The following MAML3 variants were observed in gnomAD, a reference collection of about 807,000 sequenced individuals.
The protein encoded by MAML3 is mastermind like transcriptional coactivator 3, also known as mastermind-like protein 3.
A neutral mutation model predicts 101.9 loss-of-function variants in MAML3; 27 were observed. The ratio of observed to expected loss-of-function variants is 0.27; its 90% CI spans 0.20 to 0.37. The LOEUF (loss-of-function observed/expected upper bound fraction) is 0.37, where lower values mean the gene tolerates loss of function less well. MAML3 is among the 10% of genes least tolerant of loss of function. The pLI, the probability that MAML3 is intolerant of heterozygous loss-of-function variation, is 1.00. For missense variants in MAML3, 1,316 were observed against 1,444.9 expected (o/e 0.91, Z 1.45); for synonymous variants, 501 against 555.9 (o/e 0.90, Z 1.39).
intron 1 of MAML3, among the ~76,000 whole-genome samples, chr4:140,023,394 G>A (rs989391412): frequency 2.6e-5 from 4 of 152,138 alleles, no homozygotes; most frequent in South Asian, 2.1e-4. Context: ...CACTCTTGGT[G>A]AGTGAGCATG....
Position 140,143,464 on chromosome 4 carries a change from T to G in MAML3, c.468+9396A>C, listed in dbSNP as rs539343042. Reference sequence around the variant, plus strand: ...CTCATTGATCAATGACTCTGTGAGGTGAAAAGAATGACAACTGGCCAGGCG... The same window carrying G: ...CTCATTGATCAATGACTCTGTGAGGGGAAAAGAATGACAACTGGCCAGGCG... On this transcript the variant is annotated intron_variant, in intron 1 of 4. Transcript: ENST00000509479. Among the ~76,000 whole-genome samples the G allele has an allele frequency of 3.9e-3, 596 of 152,064 alleles. 6 individuals are homozygous for G. The highest frequency in any genetic ancestry group is 0.014 in the African/African-American group (576 of 41,476).
At chr4:139,935,170 C>T (rs2110732282) in intron 1 of MAML3, among the ~76,000 whole-genome samples, 1 of 151,988 alleles carries the variant, frequency 6.6e-6, no homozygotes, top group South Asian at 2.1e-4. Flanking sequence ...TGTAATTCAG[C>T]CTTCCAGGCA....
chr4:140,101,223 T>C (rs761860219), intron 1 of MAML3, among the ~76,000 whole-genome samples: 3 of 152,174 alleles, frequency 2.0e-5, no homozygotes, highest in Non-Finnish European at 4.4e-5. Context: ...AGTTTTGGTG[T>C]GGTTTGCTAG....
chr4:140,145,649 T>G (rs1729046644), intron 1 of MAML3, among the ~76,000 whole-genome samples: 1 of 152,120 alleles, frequency 6.6e-6, no homozygotes, highest in Non-Finnish European at 1.5e-5. Context: ...CACTGCAAAC[T>G]CTGCCACCCT....
intron 1 of MAML3, among the ~76,000 whole-genome samples, chr4:140,008,514 T>C (rs904529621): frequency 2.0e-5 from 3 of 152,212 alleles, no homozygotes; most frequent in African/African-American, 4.8e-5. Flanking sequence ...CATTCCCTTT[T>C]GACATTGGTC....
chr4:140,007,681 G>T (rs867914109), intron 1 of MAML3, among the ~76,000 whole-genome samples: 1 of 152,208 alleles, frequency 6.6e-6, no homozygotes, highest in Non-Finnish European at 1.5e-5. Flanking sequence ...CTGGAAATGG[G>T]AAAGCCAAGC....
chr4:140,026,004 C>T (rs1329120990), intron 1 of MAML3, among the ~76,000 whole-genome samples: 2 of 152,164 alleles, frequency 1.3e-5, no homozygotes, highest in East Asian at 1.9e-4. Flanking sequence ...TTGTCTTTTA[C>T]TCATTGGGTT....
rs369951376 is a variant in MAML3, at chr4:139,867,064, A to C, written c.2079+22293T>G. 1.5e-3 allele frequency among the ~76,000 whole-genome samples: 226 copies of C among 152,348 alleles called. 2 individuals carry two copies. In the South Asian group the frequency reaches 0.026, roughly 18 times the overall value. On this transcript the variant is annotated intron_variant, in intron 2 of 4. Transcript: ENST00000509479. ...TTTAATGAAATAAAATGTGTTCTTG[A>C]AATGTGCTAAATAAAGTCAGTTTTT...
At chr4:139,916,659 T>C (rs1022893437) in intron 1 of MAML3, among the ~76,000 whole-genome samples, 2 of 152,204 alleles carry the variant, frequency 1.3e-5, no homozygotes, top group Non-Finnish European at 2.9e-5. Context: ...TTGTAAAAAT[T>C]TGCACTCGGC....
intron 1 of MAML3, among the ~76,000 whole-genome samples, chr4:139,912,672 G>T (rs189431923): frequency 4.9e-4 from 75 of 152,340 alleles, no homozygotes; most frequent in Non-Finnish European, 6.6e-4. Context: ...AAAACACGAA[G>T]ACATACAGGG....
chr4:140,036,417 C>T (rs2110899864), intron 1 of MAML3, among the ~76,000 whole-genome samples: 1 of 152,330 alleles, frequency 6.6e-6, no homozygotes, highest in South Asian at 2.1e-4. Context: ...GAGGATGAAA[C>T]AGCTACCGCG....
chr4:139,796,524 G>A (rs933105827), intron 2 of MAML3, among the ~76,000 whole-genome samples: 1 of 152,170 alleles, frequency 6.6e-6, no homozygotes, highest in African/African-American at 2.4e-5. Flanking sequence ...CTCCAGGCTA[G>A]AGTACCCTAT....
chr4:139,792,115 C>T (rs1730424956), intron 2 of MAML3, among the ~76,000 whole-genome samples: 1 of 152,220 alleles, frequency 6.6e-6, no homozygotes, highest in African/African-American at 2.4e-5. Flanking sequence ...TTATTGAGTA[C>T]TTGCTAAGAC....
chr4:140,037,026 C>G (rs980269101), intron 1 of MAML3, among the ~76,000 whole-genome samples: 2 of 152,102 alleles, frequency 1.3e-5, no homozygotes, highest in African/African-American at 4.8e-5. Context: ...AGGATCCCAG[C>G]TGACATCGCT....
At position 139,948,846 on chromosome 4, in the gene MAML3, G is replaced by A. The variant is rs115999189; in HGVS notation, c.469-57879C>T. Among the ~76,000 whole-genome samples the A allele has an allele frequency of 6.6e-3, 1,012 of 152,226 alleles. 10 individuals are homozygous for A. Among genetic ancestry groups the A allele is most frequent in the African/African-American group, 0.023 (961 of 41,532 alleles). ...GTAGAAACTATCATCCCCATTGTAC[G>A]TGTGAGAAAACCGAGGCACAGGTAA... On this transcript the variant is annotated intron_variant, in intron 1 of 4. Coordinates refer to ENST00000509479, the MANE Select transcript of MAML3 (RefSeq NM_018717.5).
chr4:139,993,376 C>T (rs1413392236), intron 1 of MAML3, among the ~76,000 whole-genome samples: 2 of 150,476 alleles, frequency 1.3e-5, no homozygotes, highest in African/African-American at 2.4e-5. Context: ...AATAGACATA[C>T]ATATATACAC....
chr4:140,144,820 T>A (rs1729030136), intron 1 of MAML3, among the ~76,000 whole-genome samples: 1 of 152,230 alleles, frequency 6.6e-6, no homozygotes, highest in Non-Finnish European at 1.5e-5. Context: ...CATGTCTCTC[T>A]CCTCTGATAT....
intron 1 of MAML3, among the ~76,000 whole-genome samples, chr4:139,985,503 G>A (rs950825877): frequency 6.6e-6 from 1 of 152,230 alleles, no homozygotes; most frequent in Admixed American, 6.5e-5. Flanking sequence ...GCCTTTAGGT[G>A]TGCAAATTTA....
At chr4:139,770,523 G>C (rs1299716858) in intron 2 of MAML3, among the ~76,000 whole-genome samples, 2 of 152,172 alleles carry the variant, frequency 1.3e-5, no homozygotes, top group Non-Finnish European at 2.9e-5. Flanking sequence ...GGTGGATAGG[G>C]AGGAGGAGAT....
Sources: allele counts gnomAD v4.1 joint callset (sites outside exome capture counted in the v4.1 genomes callset), GRCh38; gene constraint gnomAD v4.1.1; transcripts MANE v1.5; gene names NCBI Gene and HGNC (gene_info 2026-07-23, HGNC 2026-07-21).